Variants in SLC25A26 observed in about 807,000 individuals in gnomAD.
SLC25A26 encodes solute carrier family 25 member 26.
Under a neutral mutation model 37.8 loss-of-function variants are expected in SLC25A26, and 36 were observed. That is an observed-to-expected ratio of 0.95 (90% CI 0.73 to 1.26). The LOEUF (loss-of-function observed/expected upper bound fraction) is 1.26, where lower values mean the gene tolerates loss of function less well. Ranked by LOEUF, SLC25A26 falls within the 50% of genes most tolerant of loss-of-function variation. SLC25A26 has a pLI of 0.00. For missense variants in SLC25A26, 390 were observed against 331.1 expected (o/e 1.18, Z -1.38); for synonymous variants, 129 against 122.5 (o/e 1.05, Z -0.35).
intron 1 of SLC25A26, among the ~76,000 whole-genome samples, chr3:66,203,758 C>T (rs949692382): frequency 1.3e-5 from 2 of 152,180 alleles, no homozygotes; most frequent in South Asian, 4.1e-4. Context: ...ATATTTACTG[C>T]AACAATTCTA....
chr3:66,185,586 A>G (rs905637464), intron 1 of SLC25A26, among the ~76,000 whole-genome samples: 33 of 152,106 alleles, frequency 2.2e-4, no homozygotes, highest in African/African-American at 8.0e-4. Context: ...CCTGTCCTAC[A>G]TCCTGACCTT....
At chr3:66,341,286 A>C (rs1394863330) in intron 5 of SLC25A26, among the ~76,000 whole-genome samples, 2 of 152,136 alleles carry the variant, frequency 1.3e-5, no homozygotes, top group Non-Finnish European at 2.9e-5. Context: ...TTTTATCATA[A>C]GTCAGTGTCA....
intron 5 of SLC25A26, among the ~76,000 whole-genome samples, chr3:66,286,122 G>C (rs1332095129): frequency 6.6e-6 from 1 of 152,174 alleles, no homozygotes; most frequent in African/African-American, 2.4e-5. Context: ...GCCCTTAGGT[G>C]ATTTGCAGTA....
At chr3:66,337,205 C>A (rs2076109515) in intron 5 of SLC25A26, among the ~76,000 whole-genome samples, 1 of 152,108 alleles carries the variant, frequency 6.6e-6, no homozygotes, top group Admixed American at 6.6e-5. Flanking sequence ...TGATACCCAA[C>A]AGCAGCAGAT....
intron 6 of SLC25A26, among the ~76,000 whole-genome samples, chr3:66,347,000 G>T (rs1446456770): frequency 6.6e-6 from 1 of 152,026 alleles, no homozygotes; most frequent in African/African-American, 2.4e-5. Context: ...CAACCTTGGG[G>T]AAGGTCAGTG....
At chr3:66,166,941 A>G (rs576897464) in intron 1 of SLC25A26, among the ~76,000 whole-genome samples, 23 of 151,934 alleles carry the variant, frequency 1.5e-4, no homozygotes, top group African/African-American at 5.3e-4. Flanking sequence ...TGCTGTTCTC[A>G]TGATATTGAA....
At chr3:66,324,206 G>GTA (rs1374555648) in intron 5 of SLC25A26, 4 of 152,534 alleles carry the variant, frequency 2.6e-5, no homozygotes, top group Middle Eastern at 3.1e-3. Flanking sequence ...GTGTGTGTGT[G>GTA]TGTGTGTGTG....
intron 6 of SLC25A26, chr3:66,355,895 C>A: frequency 2.5e-6 from 1 of 401,390 alleles, no homozygotes. Context: ...TTTGAAAAAA[C>A]TAAGCATTAT....
At chr3:66,301,921 A>G (rs749474617) in intron 5 of SLC25A26, among the ~76,000 whole-genome samples, 1 of 152,230 alleles carries the variant, frequency 6.6e-6, no homozygotes, top group Non-Finnish European at 1.5e-5. Flanking sequence ...GATGAGAGTA[A>G]CAATAATACC....
At chr3:66,336,923 A>G (rs1482488030) in intron 5 of SLC25A26, among the ~76,000 whole-genome samples, 2 of 152,082 alleles carry the variant, frequency 1.3e-5, no homozygotes, top group African/African-American at 4.8e-5. Flanking sequence ...CCTTTTTAAA[A>G]CTTTATTTTT....
In SLC25A26 at chr3:66,204,222, G is replaced by A. The variant is rs950425570; in HGVS notation, c.-353-16520G>A. On this transcript the variant is annotated intron_variant, in intron 1 of 10. Transcript: ENST00000676754. ...GGGCGGATCACGAGGTCAGGAGATC[G>A]AGACCATCCTGGCTAACACGGTGAA... Among the ~76,000 whole-genome samples the A allele has an allele frequency of 5.9e-5, 9 of 151,918 alleles. No individual in the cohort carries two copies. In the South Asian group the frequency reaches 8.3e-4, roughly 14 times the overall value.
chr3:66,262,583 G>C (rs1005344086), intron 4 of SLC25A26, among the ~76,000 whole-genome samples: 5 of 152,210 alleles, frequency 3.3e-5, no homozygotes, highest in African/African-American at 1.2e-4. Flanking sequence ...GAAGCTGTCA[G>C]TCAGAAATTA....
chr3:66,370,945 A>G (rs373100774), intron 9 of SLC25A26, among the ~76,000 whole-genome samples: 137 of 152,322 alleles, frequency 9.0e-4, no homozygotes, highest in African/African-American at 3.2e-3. Context: ...CATTGTTAGA[A>G]GAAAGCATTT....
intron 5 of SLC25A26, among the ~76,000 whole-genome samples, chr3:66,280,527 G>A (rs1393323571): frequency 1.3e-5 from 2 of 152,130 alleles, no homozygotes; most frequent in Non-Finnish European, 2.9e-5. Context: ...CATAAAGCAC[G>A]AAACACTGTT....
intron 5 of SLC25A26, among the ~76,000 whole-genome samples, chr3:66,343,394 G>A (rs61525120): frequency 0.06 from 9,145 of 152,240 alleles, 915 homozygotes; most frequent in African/African-American, 0.21. Context: ...GGCATTTATA[G>A]CATATTTAAT....
chr3:66,220,202 C>T (rs902994348), upstream of SLC25A26, among the ~76,000 whole-genome samples: 3 of 152,124 alleles, frequency 2.0e-5, no homozygotes, highest in African/African-American at 4.8e-5. Context: ...GCATCAGGAG[C>T]CTCTGTAAAA....
At chr3:66,139,535 C>T (rs944875139) in intron 1 of SLC25A26, among the ~76,000 whole-genome samples, 36 of 152,240 alleles carry the variant, frequency 2.4e-4, no homozygotes, top group African/African-American at 4.6e-4. Flanking sequence ...ATTTCTTTCG[C>T]GGTCATTAGA....
chr3:66,155,300 G>A (rs1000314245), intron 1 of SLC25A26, among the ~76,000 whole-genome samples: 13 of 152,144 alleles, frequency 8.5e-5, no homozygotes, highest in African/African-American at 2.4e-4. Context: ...ACTTGAGCCC[G>A]GGAGTTCGAA....
chr3:66,288,730 T>C (rs1325397406), intron 5 of SLC25A26, among the ~76,000 whole-genome samples: 1 of 152,220 alleles, frequency 6.6e-6, no homozygotes, highest in Non-Finnish European at 1.5e-5. Flanking sequence ...CTATCATTGA[T>C]GGGCATTTAG....
Sources: gnomAD v4.1 joint callset for allele counts (sites outside exome capture counted in the v4.1 genomes callset) on GRCh38, gnomAD v4.1.1 for gene constraint, MANE v1.5 for transcripts, NCBI Gene and HGNC (gene_info 2026-07-23, HGNC 2026-07-21) for gene names.